PROS1: variants seen among roughly 807,000 people sequenced by gnomAD.
PROS1 encodes the protein protein S, also known as vitamin K-dependent protein S.
A neutral mutation model predicts 75.9 loss-of-function variants in PROS1; 29 were observed. That is an observed-to-expected ratio of 0.38 (90% CI 0.28 to 0.52). The LOEUF is 0.52. Among genes scored for constraint, PROS1 ranks in the 20% least tolerant of loss-of-function variants. The pLI is 0.83. For missense variants in PROS1, 680 were observed against 810.3 expected (o/e 0.84, Z 1.95); for synonymous variants, 245 against 280.6 (o/e 0.87, Z 1.27).
rs745318233 is a variant in PROS1 at position 93,927,238 on chromosome 3, A to G, written c.234+12T>C. ...TAGATGTGTGAACTTGATAGTTTCC[A>G]TAAATGCTTACCGTTTCCGGGTCAT... is the stretch of plus-strand genomic sequence containing the variant. On this transcript the variant is annotated intron_variant, in intron 2 of 14. Coordinates refer to ENST00000394236, the MANE Select transcript of PROS1 (RefSeq NM_000313.4). 1.6e-5 allele frequency: 25 copies of G among 1,612,094 alleles called. No individual in the cohort carries two copies. Among genetic ancestry groups the G allele is most frequent in the Middle Eastern group, 2.2e-4 (1 of 4,492 alleles).
chr3:93,933,656 G>A (rs1349913020), intron 1 of PROS1, among the ~76,000 whole-genome samples: 1 of 152,114 alleles, frequency 6.6e-6, no homozygotes, highest in African/African-American at 2.4e-5. Context: ...TGGCGTGGTG[G>A]CCCACACCTG....
intron 1 of PROS1, among the ~76,000 whole-genome samples, chr3:93,941,232 C>T (rs1485574923): frequency 6.6e-6 from 1 of 152,168 alleles, no homozygotes; most frequent in Non-Finnish European, 1.5e-5. Flanking sequence ...TGTAGCCCTG[C>T]CTTTGAATCT....
intron 10 of PROS1, among the ~76,000 whole-genome samples, chr3:93,892,598 T>C (rs1488567598): frequency 6.6e-6 from 1 of 150,416 alleles, no homozygotes; most frequent in African/African-American, 2.5e-5. Flanking sequence ...CACTCCAGCC[T>C]GGGCAACAAG....
At chr3:93,935,843 A>G (rs1005659463) in intron 1 of PROS1, among the ~76,000 whole-genome samples, 1 of 151,992 alleles carries the variant, frequency 6.6e-6, no homozygotes, top group African/African-American at 2.4e-5. Flanking sequence ...ATAAAACAAT[A>G]ACTCATTAAG....
chr3:93,934,145 A>C (rs1234439032), intron 1 of PROS1, among the ~76,000 whole-genome samples: 1 of 151,964 alleles, frequency 6.6e-6, no homozygotes, highest in African/African-American at 2.4e-5. Flanking sequence ...GCGCCACTGC[A>C]CTCCAGCCTG....
At position 93,873,255 on chromosome 3, in the gene PROS1, C is replaced by G. The variant is rs2107118147; in HGVS notation, c.*990G>C. ...GATAAAACTGCCACTTGAAATGCAT[C>G]ACAGTACCAGCAGGCACGTGGCAAT... On this transcript the variant is annotated 3_prime_UTR_variant, in exon 15 of 15. Transcript: ENST00000394236. The G allele has an allele frequency of 6.6e-6, 1 of 152,296 alleles. No homozygotes were observed. Among genetic ancestry groups the G allele is most frequent in the Admixed American group, 6.5e-5 (1 of 15,292 alleles). 9.4% of individuals were successfully genotyped at this position (152,296 alleles called of 1,614,324 possible).
At chr3:93,944,192 A>G (rs1409686326) in intron 1 of PROS1, among the ~76,000 whole-genome samples, 1 of 150,510 alleles carries the variant, frequency 6.6e-6, no homozygotes, top group Admixed American at 6.6e-5. Context: ...ACGAAACCAG[A>G]TAAATACATA....
At chr3:93,922,135 G>C (rs901657083) in intron 3 of PROS1, among the ~76,000 whole-genome samples, 26 of 152,156 alleles carry the variant, frequency 1.7e-4, no homozygotes, top group African/African-American at 5.8e-4. Flanking sequence ...TATTATTAGT[G>C]CTTGGAATCT....
chr3:93,877,155 G>A lies in PROS1; in HGVS notation c.1681C>T (p.Arg561Trp), dbSNP rs121918476. The part of the protein sequence containing the change: ...LLSVENTVIY[R>W]IQALSLCSDQ... Reference sequence around the variant, plus strand: ...GAACATAGACTTAGGGCCTGTATCCGATATATTACAGTATTTTCAACAGAT... The same window carrying A: ...GAACATAGACTTAGGGCCTGTATCCAATATATTACAGTATTTTCAACAGAT... Residue 561 changes from arginine (R) to tryptophan (W), a missense_variant, in exon 14 of 15, where the codon CGG (arginine) becomes TGG (tryptophan). By Grantham distance (101) the Arg-to-Trp change is moderately radical. Coordinates refer to ENST00000394236, the MANE Select transcript of PROS1 (RefSeq NM_000313.4). 8.1e-6 allele frequency: 13 copies of A among 1,609,262 alleles called. No individual in the cohort carries two copies. Among genetic ancestry groups the A allele is most frequent in the East Asian group, 6.7e-5 (3 of 44,846 alleles).
chr3:93,933,160 G>C (rs1709131853), intron 1 of PROS1, among the ~76,000 whole-genome samples: 1 of 152,220 alleles, frequency 6.6e-6, no homozygotes, highest in Non-Finnish European at 1.5e-5. Context: ...GTGGGCTTCA[G>C]TGTTGGATGA....
intron 1 of PROS1, among the ~76,000 whole-genome samples, chr3:93,954,826 A>G (rs1403520224): frequency 3.9e-5 from 6 of 152,242 alleles, no homozygotes; most frequent in Non-Finnish European, 8.8e-5. Flanking sequence ...CAATCTACCC[A>G]TCTGACAAAG....
In PROS1 at chr3:93,906,220, A is replaced by C. The variant is rs1394673105; in HGVS notation, c.347-77T>G. 2.4e-5 allele frequency: 36 copies of C among 1,512,786 alleles called. No homozygotes were observed. In the South Asian group the frequency reaches 4.3e-4, roughly 18 times the overall value. 93.7% of individuals were successfully genotyped at this position (1,512,786 alleles called of 1,614,324 possible). ...TAAAATTGTGTGTACTATAATAAAA[A>C]TCCTGAAGCCTAGAACCAATGAAAA... is the stretch of plus-strand genomic sequence containing the variant. On this transcript the variant is annotated intron_variant, in intron 4 of 14. Coordinates refer to ENST00000394236, the MANE Select transcript of PROS1 (RefSeq NM_000313.4).
chr3:93,899,661 A>G (rs1157485479), intron 7 of PROS1, among the ~76,000 whole-genome samples: 1 of 152,162 alleles, frequency 6.6e-6, no homozygotes, highest in Non-Finnish European at 1.5e-5. Flanking sequence ...AGATGATAGG[A>G]CATCAAAATC....
At chr3:93,910,928 A>T in intron 3 of PROS1, 1 of 530,882 alleles carries the variant, frequency 1.9e-6, no homozygotes, top group Non-Finnish European at 3.4e-6. Flanking sequence ...TAAGTCTGTG[A>T]CAGCTTCTTC....
intron 10 of PROS1, 74 bp from the exon 11 acceptor site, chr3:93,886,577 TTA>T (rs1378042366): frequency 9.0e-7 from 1 of 1,108,678 alleles, no homozygotes; most frequent in Non-Finnish European, 1.4e-6. Flanking sequence ...GATCTAAAAC[TTA>T]TGTTATTATT....
chr3:93,918,613 T>G (rs1432478320), intron 3 of PROS1, among the ~76,000 whole-genome samples: 1 of 151,874 alleles, frequency 6.6e-6, no homozygotes, highest in Non-Finnish European at 1.5e-5. Context: ...ACCGCGAGGG[T>G]CGGCGGCTTC....
chr3:93,928,357 TG>T (rs2107205462), intron 1 of PROS1, among the ~76,000 whole-genome samples: 1 of 150,308 alleles, frequency 6.7e-6, no homozygotes, highest in South Asian at 2.1e-4. Flanking sequence ...AAAAACATGA[TG>T]AAATGCCTAT....
At chr3:93,945,025 A>T (rs1221268220) in intron 1 of PROS1, among the ~76,000 whole-genome samples, 2 of 152,246 alleles carry the variant, frequency 1.3e-5, no homozygotes, top group African/African-American at 4.8e-5. Context: ...ACCATCAGAG[A>T]ATACTATGAA....
intron 1 of PROS1, among the ~76,000 whole-genome samples, chr3:93,944,962 C>CAATA (rs1679523704): frequency 6.6e-6 from 1 of 151,644 alleles, no homozygotes; most frequent in Non-Finnish European, 1.5e-5. Context: ...CAAATAGACG[C>CAATA]AATAAAAAAT....
Sources: gnomAD v4.1 joint callset for allele counts (sites outside exome capture counted in the v4.1 genomes callset) on GRCh38, gnomAD v4.1.1 for gene constraint, MANE v1.5 for transcripts, NCBI Gene and HGNC (gene_info 2026-07-23, HGNC 2026-07-21) for gene names.